Variants in TAFA1 observed in about 807,000 individuals in gnomAD.
TAFA1 encodes chemokine-like protein TAFA-1.
A neutral mutation model predicts 18.5 loss-of-function variants in TAFA1; 4 were observed. The observed-to-expected ratio is 0.22, with a 90% confidence interval of 0.11 to 0.49. The LOEUF (loss-of-function observed/expected upper bound fraction) is 0.49. TAFA1 is among the 20% of genes least tolerant of loss of function. The pLI is 0.98. For synonymous variants in TAFA1, 56 were observed against 55.2 expected (o/e 1.01, Z -0.06); for missense variants, 147 against 169.0 (o/e 0.87, Z 0.72).
chr3:68,477,030 A>G (rs1401933115), intron 3 of TAFA1, among the ~76,000 whole-genome samples: 2 of 152,128 alleles, frequency 1.3e-5, no homozygotes, highest in African/African-American at 4.8e-5. Flanking sequence ...GTCTCCTTTC[A>G]ACTGCTTCAT....
At chr3:68,160,267 G>T (rs1028585995) in intron 2 of TAFA1, among the ~76,000 whole-genome samples, 2 of 152,148 alleles carry the variant, frequency 1.3e-5, no homozygotes. Flanking sequence ...TTAAGGTTTT[G>T]TTGGCCATAT....
chr3:68,440,641 C>T lies in TAFA1; in HGVS notation c.259+23221C>T, dbSNP rs575462912. Among the ~76,000 whole-genome samples the T allele has an allele frequency of 4.6e-5, 7 of 152,242 alleles. No homozygotes were observed. The South Asian group carries it at 1.2e-3, about 27-fold the overall frequency. On this transcript the variant is annotated intron_variant, in intron 3 of 4. Transcript: ENST00000478136. The stretch of plus-strand genomic sequence containing the variant: ...TCATGAATTTTTCCTGGTAGAGTGA[C>T]CCAAACCTTCATTCCTGAAGGGTCT...
At chr3:68,482,476 G>T (rs933977442) in intron 3 of TAFA1, among the ~76,000 whole-genome samples, 1 of 152,114 alleles carries the variant, frequency 6.6e-6, no homozygotes, top group Non-Finnish European at 1.5e-5. Context: ...GATGAGAATG[G>T]GTATAGAAAT....
At chr3:68,002,650 TAAG>T (rs1488302112), upstream of TAFA1, among the ~76,000 whole-genome samples, 1 of 152,202 alleles carries the variant, frequency 6.6e-6, no homozygotes, top group Non-Finnish European at 1.5e-5. Flanking sequence ...GTTAAAGAAA[TAAG>T]AAAATATAAT....
intron 2 of TAFA1, among the ~76,000 whole-genome samples, chr3:68,043,736 C>G (rs1253446743): frequency 1.3e-5 from 2 of 152,124 alleles, no homozygotes; most frequent in Admixed American, 1.3e-4. Context: ...ATGTTGCTTG[C>G]CAGAGTCAAA....
At chr3:68,280,482 T>C (rs947316692) in intron 2 of TAFA1, among the ~76,000 whole-genome samples, 2 of 152,156 alleles carry the variant, frequency 1.3e-5, no homozygotes, top group African/African-American at 4.8e-5. Flanking sequence ...AATTTTCAGA[T>C]GGTAAAGACC....
At chr3:68,541,345 G>A (rs2073370638) in intron 4 of TAFA1, among the ~76,000 whole-genome samples, 1 of 152,114 alleles carries the variant, frequency 6.6e-6, no homozygotes, top group Non-Finnish European at 1.5e-5. Flanking sequence ...ATGTATATAG[G>A]AACCATCTAT....
At chr3:68,249,931 C>A (rs1022579433) in intron 2 of TAFA1, among the ~76,000 whole-genome samples, 19 of 152,084 alleles carry the variant, frequency 1.2e-4, no homozygotes, top group African/African-American at 4.6e-4. Flanking sequence ...ATCACACAGC[C>A]TCCGAAGGCC....
chr3:68,512,680 TTTTGTTTG>T (rs60422556), intron 3 of TAFA1, among the ~76,000 whole-genome samples: 61,746 of 150,628 alleles, frequency 0.41, 15,063 homozygotes, highest in African/African-American at 0.69. Flanking sequence ...TTTGCTGGTT[TTTTGTTTG>T]TTTGTTTGTT....
At chr3:68,541,296 G>A (rs1053514361) in intron 4 of TAFA1, among the ~76,000 whole-genome samples, 3 of 152,164 alleles carry the variant, frequency 2.0e-5, no homozygotes, top group Non-Finnish European at 4.4e-5. Flanking sequence ...AATGAAATAA[G>A]CACTTTTAAA....
chr3:68,479,435 C>T (rs1419950565), intron 3 of TAFA1, among the ~76,000 whole-genome samples: 1 of 151,836 alleles, frequency 6.6e-6, no homozygotes, highest in African/African-American at 2.4e-5. Context: ...GTCCTAAATG[C>T]AAGACTTCCA....
chr3:67,995,923 G>A, the TAFA1 span, among the ~76,000 whole-genome samples: 28 of 152,178 alleles, frequency 1.8e-4, no homozygotes, highest in Non-Finnish European at 4.0e-4. Flanking sequence ...GAATAAATGA[G>A]AAGTGACTGT....
intron 2 of TAFA1, among the ~76,000 whole-genome samples, chr3:68,009,928 T>C (rs1704437654): frequency 6.6e-6 from 1 of 151,848 alleles, no homozygotes. Context: ...AATAAATAAA[T>C]TGCTGGATAA....
intron 2 of TAFA1, among the ~76,000 whole-genome samples, chr3:68,272,434 C>G (rs541518334): frequency 6.6e-6 from 1 of 152,120 alleles, no homozygotes; most frequent in African/African-American, 2.4e-5. Flanking sequence ...AAACACGTAA[C>G]ATGGGGCCTG....
chr3:68,323,489 A>G (rs2068724939), intron 2 of TAFA1, among the ~76,000 whole-genome samples: 1 of 152,242 alleles, frequency 6.6e-6, no homozygotes, highest in Non-Finnish European at 1.5e-5. Context: ...AGTTAACTAC[A>G]GGTCAGTGAT....
At chr3:68,206,933 G>GT (rs1218835919) in intron 2 of TAFA1, among the ~76,000 whole-genome samples, 2 of 151,982 alleles carry the variant, frequency 1.3e-5, no homozygotes, top group East Asian at 3.9e-4. Context: ...CCACAGCACA[G>GT]TGATGAAGAG....
chr3:68,296,747 A>T (rs1294523684), intron 2 of TAFA1, among the ~76,000 whole-genome samples: 1 of 152,172 alleles, frequency 6.6e-6, no homozygotes, highest in Non-Finnish European at 1.5e-5. Flanking sequence ...CCATGTGCAG[A>T]CACTGTGCTA....
At chr3:68,055,264 C>A (rs1003185689) in intron 2 of TAFA1, among the ~76,000 whole-genome samples, 1 of 152,144 alleles carries the variant, frequency 6.6e-6, no homozygotes, top group African/African-American at 2.4e-5. Context: ...TAATCCAACT[C>A]TTAAGTGTCA....
chr3:68,362,444 CACAGGCAAAAACT>C (rs2069486094), intron 2 of TAFA1, among the ~76,000 whole-genome samples: 1 of 152,066 alleles, frequency 6.6e-6, no homozygotes, highest in African/African-American at 2.4e-5. Context: ...CAGGAAACAG[CACAGGCAAAAACT>C]ACAGAGAATC....
Sources: gnomAD v4.1 joint callset for allele counts (sites outside exome capture counted in the v4.1 genomes callset) on GRCh38, gnomAD v4.1.1 for gene constraint, MANE v1.5 for transcripts, NCBI Gene and HGNC (gene_info 2026-07-23, HGNC 2026-07-21) for gene names.